Variants in DNAH9 observed in about 807,000 individuals in gnomAD.
DNAH9 encodes DNAH9 variant protein.
DNAH9 carries 345 observed loss-of-function variants against 471.6 expected under a neutral mutation model. That is an observed-to-expected ratio of 0.73 (90% CI 0.67 to 0.80). DNAH9 has a LOEUF of 0.80. Among genes scored for constraint, DNAH9 ranks in the 30% least tolerant of loss-of-function variants. The pLI is 0.00. For synonymous variants in DNAH9, 2,093 were observed against 2,123.6 expected (o/e 0.99, Z 0.40); for missense variants, 5,407 against 5,609.2 (o/e 0.96, Z 1.15).
intron 45 of DNAH9, among the ~76,000 whole-genome samples, chr17:11,818,477 AATGACTTC>A (rs1970189135): frequency 6.6e-6 from 1 of 152,102 alleles, no homozygotes; most frequent in Admixed American, 6.5e-5. Context: ...AGATGGCCCA[AATGACTTC>A]TTTCATCACT....
At chr17:11,687,893 T>C (rs1257532994) in intron 19 of DNAH9, among the ~76,000 whole-genome samples, 2 of 151,686 alleles carry the variant, frequency 1.3e-5, no homozygotes, top group African/African-American at 2.4e-5. Context: ...CCCAGCACTT[T>C]GGGAGGCTGA....
intron 27 of DNAH9, 131 bp downstream of exon 27, chr17:11,719,621 T>G: frequency 1.2e-6 from 1 of 859,254 alleles, no homozygotes; most frequent in South Asian, 1.9e-5. Context: ...TCAGGAGGTC[T>G]CAGTTTGCTC....
intron 62 of DNAH9, among the ~76,000 whole-genome samples, chr17:11,924,472 G>A (rs1268730819): frequency 6.6e-6 from 1 of 151,992 alleles, no homozygotes; most frequent in African/African-American, 2.4e-5. Context: ...AGGAAAAAAA[G>A]GCTACCTCTC....
chr17:11,824,467 G>A (rs1003052175), intron 48 of DNAH9, among the ~76,000 whole-genome samples: 1 of 152,096 alleles, frequency 6.6e-6, no homozygotes, highest in Non-Finnish European at 1.5e-5. Context: ...GATTTCACTC[G>A]TCAGATCTGG....
chr17:11,667,919 G>C (rs1037984434), intron 15 of DNAH9, among the ~76,000 whole-genome samples: 3 of 152,190 alleles, frequency 2.0e-5, no homozygotes, highest in African/African-American at 7.2e-5. Context: ...TCTATTTCAA[G>C]GGAAGAAGAC....
chr17:11,797,499 T>A, intron 42 of DNAH9, 98 bp from the exon 43 acceptor site: 1 of 1,000,004 alleles, frequency 1.0e-6, no homozygotes, highest in South Asian at 1.7e-5. Context: ...GATGCCTAAT[T>A]TCCAGGGAAT....
chr17:11,703,450 A>G (rs2074639224), intron 24 of DNAH9, among the ~76,000 whole-genome samples: 1 of 152,166 alleles, frequency 6.6e-6, no homozygotes, highest in South Asian at 2.1e-4. Flanking sequence ...GCCTCCTCCT[A>G]TTGCAGTAAA....
At chr17:11,732,487 C>T (rs959412744) in intron 28 of DNAH9, among the ~76,000 whole-genome samples, 6 of 151,986 alleles carry the variant, frequency 3.9e-5, no homozygotes, top group African/African-American at 1.4e-4. Context: ...TCCTCCTCTC[C>T]ACTGCTTGTC....
At chr17:11,884,862 A>C (rs1186990608) in intron 56 of DNAH9, among the ~76,000 whole-genome samples, 2 of 152,114 alleles carry the variant, frequency 1.3e-5, no homozygotes, top group Non-Finnish European at 2.9e-5. Flanking sequence ...ACTTACATCA[A>C]GAGAGTAGGT....
intron 42 of DNAH9, among the ~76,000 whole-genome samples, chr17:11,796,510 C>T (rs1969246870): frequency 6.6e-6 from 1 of 152,224 alleles, no homozygotes; most frequent in Admixed American, 6.5e-5. Flanking sequence ...TTACTGTCTT[C>T]CTCACTTTCC....
At chr17:11,600,924 C>A (rs2072372857) in intron 1 of DNAH9, among the ~76,000 whole-genome samples, 2 of 152,214 alleles carry the variant, frequency 1.3e-5, no homozygotes, top group African/African-American at 4.8e-5. Context: ...ACTGCCCCGT[C>A]CAGCATCACT....
chr17:11,805,936 T>C (rs1025956075), intron 43 of DNAH9, among the ~76,000 whole-genome samples: 1 of 152,118 alleles, frequency 6.6e-6, no homozygotes, highest in African/African-American at 2.4e-5. Context: ...TTCACCATGT[T>C]TCCCAGGCTC....
intron 67 of DNAH9, among the ~76,000 whole-genome samples, chr17:11,959,223 A>C (rs1184050645): frequency 6.6e-6 from 1 of 152,218 alleles, no homozygotes; most frequent in Non-Finnish European, 1.5e-5. Flanking sequence ...TTCCATCCTC[A>C]TCACTTTTGT....
intron 38 of DNAH9, among the ~76,000 whole-genome samples, chr17:11,779,319 C>G (rs1003247871): frequency 1.3e-5 from 2 of 152,134 alleles, no homozygotes; most frequent in African/African-American, 2.4e-5. Flanking sequence ...AACACTTTTC[C>G]TGAAACTCAA....
chr17:11,793,568 TG>T lies in DNAH9; in HGVS notation c.8128del (p.Glu2710AsnfsTer11). On this transcript the variant is annotated frameshift_variant, in exon 42 of 69. Coordinates refer to ENST00000262442, the MANE Select transcript of DNAH9 (RefSeq NM_001372.4). LOFTEE classifies it high-confidence loss of function. ...GGGATCTTATAAGGCTCTATCTGCA[TG>T]AATCAAATCGAGTTTATCGGGATAA... ...TWDLIRLYLH[E>X]SNRVYRDKMV... The T allele has an allele frequency of 1.9e-6, 3 of 1,614,036 alleles. No homozygotes were observed. Among genetic ancestry groups the T allele is most frequent in the Non-Finnish European group, 2.5e-6 (3 of 1,179,912 alleles).
At position 11,784,369 on chromosome 17, in the gene DNAH9, C is replaced by G; in HGVS notation, c.7891C>G (p.Leu2631Val). 1 of 1,614,204 alleles carries G rather than the reference C, an allele frequency of 6.2e-7. No homozygotes were observed. The highest frequency in any genetic ancestry group is 8.5e-7 in the Non-Finnish European group (1 of 1,180,040). ...CCTGTCCTCTATCTACAGCATCATC[C>G]TCACTCAGCATCTGAAGCTCGGAAA... is the stretch of plus-strand genomic sequence containing the variant. The part of the protein sequence containing the change: ...DALSSIYSII[L>V]TQHLKLGNFP... Residue 2631 changes from leucine (L) to valine (V), a missense_variant, in exon 41 of 69, where the codon CTC becomes GTC. Around this residue, in one of 3 missense-constraint regions of DNAH9, gnomAD observed 4,636 missense variants for 4,900.3 expected, o/e 0.95. Coordinates refer to ENST00000262442, the MANE Select transcript of DNAH9 (RefSeq NM_001372.4).
In DNAH9 at chr17:11,783,710, C is replaced by G. The variant is rs1968752340; in HGVS notation, c.7783C>G (p.Pro2595Ala). Residue 2595 changes from proline to alanine, a missense_variant, in exon 40 of 69, where the codon CCC (proline) becomes GCC (alanine). Physicochemically the swap from Pro to Ala is conservative, Grantham distance 27. Transcript: ENST00000262442. ...TGTACAGTATGTTTCCTGTATGAAC[C>G]CCACGGCAGGCAGCTTCACCATCAA... ...TNVQYVSCMNPTAGSFTINPR... is the reference protein window; with the variant it reads ...TNVQYVSCMNATAGSFTINPR... The G allele has an allele frequency of 6.2e-7, 1 of 1,614,062 alleles. No homozygotes were observed. Among genetic ancestry groups the G allele is most frequent in the African/African-American group, 1.3e-5 (1 of 75,000 alleles).
In DNAH9 at chr17:11,690,324, A is replaced by T. The variant is rs750021054; in HGVS notation, c.4502A>T (p.Lys1501Met). 1 of 1,614,200 alleles carries T rather than the reference A, an allele frequency of 6.2e-7. No individual in the cohort carries two copies. Among genetic ancestry groups the T allele is most frequent in the Non-Finnish European group, 8.5e-7 (1 of 1,180,040 alleles). Residue 1501 changes from lysine to methionine, a missense_variant, in exon 20 of 69, where the codon AAG (lysine) becomes ATG (methionine). Physicochemically the swap from Lys to Met is moderately conservative, Grantham distance 95. Coordinates refer to ENST00000262442, the MANE Select transcript of DNAH9 (RefSeq NM_001372.4). ...FLEEVSGWQK[K>M]LSTVDAVISI... is the part of the protein sequence containing the mutation. ...GAGGAGGTGTCGGGCTGGCAGAAGA[A>T]GCTGTCCACAGTGGACGCTGTCATC...
At chr17:11,691,177 C>T (rs2150754610) in intron 20 of DNAH9, among the ~76,000 whole-genome samples, 1 of 152,272 alleles carries the variant, frequency 6.6e-6, no homozygotes, top group African/African-American at 2.4e-5. Context: ...ACATAGTTTT[C>T]CTGCTAATCC....
Sources: allele counts gnomAD v4.1 joint callset (sites outside exome capture counted in the v4.1 genomes callset), GRCh38; gene constraint gnomAD v4.1.1; regional missense constraint gnomAD v4.1.1; transcripts MANE v1.5; gene names NCBI Gene and HGNC (gene_info 2026-07-23, HGNC 2026-07-21).